Variants in RALY observed in about 807,000 individuals in gnomAD.
RALY encodes RNA-binding protein Raly.
Under a neutral mutation model 30.7 loss-of-function variants are expected in RALY, and 15 were observed. The observed-to-expected ratio is 0.49, with a 90% CI of 0.33 to 0.75. The LOEUF (loss-of-function observed/expected upper bound fraction) is 0.75. RALY is among the 30% of genes least tolerant of loss of function. The probability of loss-of-function intolerance (pLI) is 0.02; values close to 1 mark genes in which losing one functional copy is unlikely to be tolerated. For missense variants in RALY, 339 were observed against 414.3 expected, an observed-to-expected ratio of 0.82 and a Z score of 1.58; for synonymous variants, 177 against 170.8, an observed-to-expected ratio of 1.04 and a Z score of -0.28.
intron 2 of RALY, among the ~76,000 whole-genome samples, chr20:34,038,711 C>T (rs2123124909): frequency 6.6e-6 from 1 of 152,278 alleles, no homozygotes; most frequent in Non-Finnish European, 1.5e-5. Flanking sequence ...ATTCTTAATA[C>T]CAAGATTTGG....
intron 1 of RALY, among the ~76,000 whole-genome samples, chr20:34,008,721 C>T (rs1169357129): frequency 6.6e-6 from 1 of 152,120 alleles, no homozygotes; most frequent in African/African-American, 2.4e-5. Flanking sequence ...TGCAGTGGCA[C>T]AATCATAGCT....
intron 1 of RALY, among the ~76,000 whole-genome samples, chr20:34,002,387 G>A (rs1243470706): frequency 6.6e-6 from 1 of 152,174 alleles, no homozygotes; most frequent in African/African-American, 2.4e-5. Context: ...GGAATTTGGA[G>A]TACCTCCTAT....
In RALY at chr20:34,081,674, GTC is replaced by G. The variant is rs1324163721; in HGVS notation, c.*1776_*1777del. The G allele has an allele frequency of 6.6e-6, 1 of 152,274 alleles. No individual in the cohort carries two copies. The highest frequency in any genetic ancestry group is 2.4e-5 in the African/African-American group (1 of 41,446). The allele number at this position is 152,274 out of a possible 1,614,324, so 9.4% of individuals were successfully genotyped here. A position where few individuals can be genotyped will look rare whatever the true frequency, so the allele number is the denominator to read the frequency against. ...GGCAGTGCTCAAACTCCACCGGGAA[GTC>G]TCTCTCACTGAGCAGCCCTCCTGCC... On this transcript the variant is annotated 3_prime_UTR_variant, in exon 10 of 10. Coordinates refer to ENST00000246194, the MANE Select transcript of RALY (RefSeq NM_016732.3).
intron 8 of RALY, among the ~76,000 whole-genome samples, chr20:34,078,169 T>C (rs891594030): frequency 2.0e-5 from 3 of 152,230 alleles, no homozygotes; most frequent in Non-Finnish European, 4.4e-5. Flanking sequence ...ATAAAGGCCC[T>C]AACAAAGACT....
At chr20:34,018,022 A>G (rs1188629721) in intron 1 of RALY, among the ~76,000 whole-genome samples, 1 of 152,228 alleles carries the variant, frequency 6.6e-6, no homozygotes, top group Non-Finnish European at 1.5e-5. Flanking sequence ...TGAAGGAAGA[A>G]TGAAGGGTAA....
intron 1 of RALY, among the ~76,000 whole-genome samples, chr20:34,011,762 G>A (rs868547358): frequency 7.2e-5 from 11 of 152,134 alleles, no homozygotes; most frequent in Non-Finnish European, 1.5e-5. Flanking sequence ...TTTCTTGTAG[G>A]ACCCTTAAGA....
chr20:34,073,397 A>T (rs1476177888), intron 3 of RALY, among the ~76,000 whole-genome samples, 166 bp from the exon 4 acceptor site: 1 of 152,122 alleles, frequency 6.6e-6, no homozygotes, highest in Non-Finnish European at 1.5e-5. Flanking sequence ...ATATGAATCT[A>T]ATGTTTGAAG....
At chr20:33,996,231 CCT>C (rs2030623687) in intron 1 of RALY, among the ~76,000 whole-genome samples, 1 of 152,172 alleles carries the variant, frequency 6.6e-6, no homozygotes, top group Non-Finnish European at 1.5e-5. Flanking sequence ...GGACAAGACA[CCT>C]CTCTGGAGCA....
At chr20:34,037,411 C>T (rs1276908923) in intron 2 of RALY, among the ~76,000 whole-genome samples, 3 of 152,174 alleles carry the variant, frequency 2.0e-5, no homozygotes, top group Non-Finnish European at 4.4e-5. Context: ...CCGCTGCCCG[C>T]CTCATGGACT....
At chr20:34,067,892 CA>C (rs1385237757) in intron 2 of RALY, among the ~76,000 whole-genome samples, 1 of 151,136 alleles carries the variant, frequency 6.6e-6, no homozygotes, top group African/African-American at 2.4e-5. Flanking sequence ...TTACCAGCCC[CA>C]AATGAAAAAT....
rs2034033890 is a variant in RALY at position 34,081,777 on chromosome 20, C to T, written c.*1872C>T. The T allele has an allele frequency of 1.3e-5, 2 of 152,296 alleles. No homozygotes were observed. Among genetic ancestry groups the T allele is most frequent in the Non-Finnish European group, 1.5e-5 (1 of 68,070 alleles). 9.4% of individuals were successfully genotyped at this position (152,296 alleles called of 1,614,324 possible). ...TTGATATTCCCAAGCTCTGCTGGGG[C>T]CTGACTAGGCCAGCCCCAAGGTGGC... On this transcript the variant is annotated 3_prime_UTR_variant, in exon 10 of 10. Transcript: ENST00000246194.
At chr20:34,024,478 A>G (rs2031945894) in intron 1 of RALY, among the ~76,000 whole-genome samples, 1 of 152,236 alleles carries the variant, frequency 6.6e-6, no homozygotes, top group Non-Finnish European at 1.5e-5. Flanking sequence ...TGCAGAGGCA[A>G]GAATGATTGT....
intron 1 of RALY, among the ~76,000 whole-genome samples, chr20:34,023,735 C>G (rs1568661374): frequency 6.6e-6 from 1 of 152,220 alleles, no homozygotes; most frequent in South Asian, 2.1e-4. Flanking sequence ...AAGAGCCCCA[C>G]AGTCAGTCTA....
At chr20:34,069,235 AT>A (rs1189917553) in intron 2 of RALY, among the ~76,000 whole-genome samples, 2 of 152,182 alleles carry the variant, frequency 1.3e-5, no homozygotes, top group Non-Finnish European at 2.9e-5. Flanking sequence ...AGCCAGTGTA[AT>A]TACAAGATCT....
chr20:33,994,807 A>G (rs1278132791), intron 1 of RALY, among the ~76,000 whole-genome samples: 4 of 152,098 alleles, frequency 2.6e-5, no homozygotes, highest in African/African-American at 9.7e-5. Flanking sequence ...GGGAACTAAT[A>G]TGTGAAAGAA....
At chr20:34,031,211 A>ATTTTTTTTTTT (rs11297874) in intron 1 of RALY, among the ~76,000 whole-genome samples, 2 of 110,852 alleles carry the variant, frequency 1.8e-5, no homozygotes, top group Non-Finnish European at 3.6e-5. Flanking sequence ...TGCCTGGCTA[A>ATTTTTTTTTTT]TTTTTTTTTT....
At chr20:34,063,520 G>A (rs1601493683) in intron 2 of RALY, among the ~76,000 whole-genome samples, 1 of 152,294 alleles carries the variant, frequency 6.6e-6, no homozygotes, top group South Asian at 2.1e-4. Context: ...ATTAGATTGT[G>A]ATCAGGATTA....
rs541437437 is a variant in RALY, at chr20:34,058,123, A to G, written c.-9-13943A>G. 3.9e-5 allele frequency among the ~76,000 whole-genome samples: 6 copies of G among 152,206 alleles called. No individual in the cohort carries two copies. In the South Asian group the frequency reaches 8.3e-4, roughly 21 times the overall value. On this transcript the variant is annotated intron_variant, in intron 2 of 9. Transcript: ENST00000246194. ...GGAAGGGTTAATTCTTTCTAAGACA[A>G]TGACAAGGGGGAAAGACCATAGATA...
intron 2 of RALY, among the ~76,000 whole-genome samples, chr20:34,049,421 C>T (rs1189370873): frequency 6.6e-6 from 1 of 152,088 alleles, no homozygotes; most frequent in Non-Finnish European, 1.5e-5. Flanking sequence ...ATGTAGTCCC[C>T]TCCCTCAGAG....
Sources: allele counts gnomAD v4.1 joint callset (sites outside exome capture counted in the v4.1 genomes callset), GRCh38; gene constraint gnomAD v4.1.1; transcripts MANE v1.5; gene names NCBI Gene and HGNC (gene_info 2026-07-23, HGNC 2026-07-21).